Variants in CFAP20DC observed in about 807,000 individuals in gnomAD.
CFAP20DC encodes CFAP20 domain containing, also known as protein CFAP20DC.
A neutral mutation model predicts 101.7 loss-of-function variants in CFAP20DC; 84 were observed. The observed-to-expected ratio is 0.83, with a 90% confidence interval of 0.69 to 0.99. The LOEUF (loss-of-function observed/expected upper bound fraction) is 0.99, where lower values mean the gene tolerates loss of function less well. Ranked by LOEUF, CFAP20DC falls within the 50% of genes least tolerant of loss-of-function variation. The pLI is 0.00. For synonymous variants in CFAP20DC, 359 were observed against 351.2 expected (o/e 1.02, Z -0.25); for missense variants, 1,007 against 970.3 (o/e 1.04, Z -0.50).
Position 58,793,614 on chromosome 3 carries a change from A to G in CFAP20DC, c.2237+12781T>C, listed in dbSNP as rs115968834. On this transcript the variant is annotated intron_variant, in intron 15 of 16. Transcript: ENST00000482387. ...CTGATCATAATGTAATTTTCTTTCA[A>G]TGTTAGTGGCCAATGTATAGATTCT... 8.7e-3 allele frequency among the ~76,000 whole-genome samples: 1,327 copies of G among 152,272 alleles called. 22 individuals are homozygous for G. Among genetic ancestry groups the G allele is most frequent in the African/African-American group, 0.03 (1,262 of 41,566 alleles).
At chr3:58,925,009 T>C (rs2085796763) in intron 5 of CFAP20DC, among the ~76,000 whole-genome samples, 1 of 152,076 alleles carries the variant, frequency 6.6e-6, no homozygotes, top group Admixed American at 6.5e-5. Flanking sequence ...TGTTCCCCCC[T>C]TGTTTTCTCA....
chr3:58,752,194 C>G (rs1559541611), intron 16 of CFAP20DC, among the ~76,000 whole-genome samples: 1 of 152,018 alleles, frequency 6.6e-6, no homozygotes, highest in Non-Finnish European at 1.5e-5. Context: ...TAACTACAAA[C>G]CACTCAAGCA....
Position 58,989,951 on chromosome 3 carries a change from G to C in CFAP20DC, c.278+49606C>G, listed in dbSNP as rs377350998. Among the ~76,000 whole-genome samples, 17 of 152,268 alleles carry C rather than the reference G, an allele frequency of 1.1e-4. No individual in the cohort carries two copies. In the South Asian group the frequency reaches 1.9e-3, roughly 17 times the overall value. The stretch of plus-strand genomic sequence containing the variant: ...GTCAAGAGTTTCAAAAGAGTCAAGA[G>C]TTAATCCTGTGGATAAAGTATAAAA... On this transcript the variant is annotated intron_variant, in intron 4 of 16. Coordinates refer to ENST00000482387, the MANE Select transcript of CFAP20DC (RefSeq NM_001394063.1).
chr3:58,949,833 T>C (rs1349279356), intron 4 of CFAP20DC, among the ~76,000 whole-genome samples: 1 of 152,184 alleles, frequency 6.6e-6, no homozygotes, highest in Non-Finnish European at 1.5e-5. Context: ...GGGCAAAAAC[T>C]GGAAGCATTC....
At chr3:58,976,094 C>T (rs1231719862) in intron 4 of CFAP20DC, among the ~76,000 whole-genome samples, 1 of 152,206 alleles carries the variant, frequency 6.6e-6, no homozygotes, top group Non-Finnish European at 1.5e-5. Flanking sequence ...CAACCTTTGA[C>T]TTCACTTATA....
At chr3:58,936,523 C>A (rs1346218809) in intron 5 of CFAP20DC, among the ~76,000 whole-genome samples, 3 of 152,132 alleles carry the variant, frequency 2.0e-5, no homozygotes, top group African/African-American at 7.2e-5. Context: ...TGGAACCAAG[C>A]CAAATGTCCA....
chr3:59,013,933 A>G (rs1219398473), intron 4 of CFAP20DC, among the ~76,000 whole-genome samples: 2 of 152,174 alleles, frequency 1.3e-5, no homozygotes, highest in Admixed American at 6.6e-5. Flanking sequence ...AATTTGATCT[A>G]TTTTAAATAT....
At chr3:58,801,201 G>C (rs1023017217) in intron 15 of CFAP20DC, among the ~76,000 whole-genome samples, 1 of 152,082 alleles carries the variant, frequency 6.6e-6, no homozygotes, top group Non-Finnish European at 1.5e-5. Flanking sequence ...CAAAAGAGCA[G>C]GTGTGAAATC....
At chr3:58,986,098 T>C (rs1488570253) in intron 4 of CFAP20DC, among the ~76,000 whole-genome samples, 1 of 152,216 alleles carries the variant, frequency 6.6e-6, no homozygotes, top group African/African-American at 2.4e-5. Context: ...AGCTAATGAA[T>C]ATTCCCTAAC....
At position 58,882,136 on chromosome 3, in the gene CFAP20DC, C is replaced by T. The variant is rs933575931; in HGVS notation, c.715+2409G>A. ...GGATTCACAGAGCAGAAGAAATATG[C>T]TATTAGATGACAATTATTCATTTCT... On this transcript the variant is annotated intron_variant, in intron 7 of 16. Coordinates refer to ENST00000482387, the MANE Select transcript of CFAP20DC (RefSeq NM_001394063.1). The surrounding 1 kb of genome is among the most constrained non-coding windows in gnomAD (Gnocchi z 4.2). 6.6e-6 allele frequency among the ~76,000 whole-genome samples: 1 copy of T among 152,066 alleles called. No individual in the cohort carries two copies. The highest frequency in any genetic ancestry group is 1.5e-5 in the Non-Finnish European group (1 of 67,980).
chr3:58,806,953 G>A, intron 14 of CFAP20DC, among the ~76,000 whole-genome samples: 1 of 152,190 alleles, frequency 6.6e-6, no homozygotes, highest in Non-Finnish European at 1.5e-5. Context: ...CGCCCACGGA[G>A]TCTCACTGAC....
chr3:58,750,565 A>C (rs2068498144), intron 16 of CFAP20DC, among the ~76,000 whole-genome samples: 2 of 152,180 alleles, frequency 1.3e-5, no homozygotes, highest in African/African-American at 4.8e-5. Flanking sequence ...CACCACATTC[A>C]CACCTCAGTG....
At chr3:58,993,265 T>C (rs2093000956) in intron 4 of CFAP20DC, among the ~76,000 whole-genome samples, 1 of 152,164 alleles carries the variant, frequency 6.6e-6, no homozygotes, top group African/African-American at 2.4e-5. Context: ...ACAAACTTCT[T>C]TGTAAAAAGA....
intron 4 of CFAP20DC, among the ~76,000 whole-genome samples, chr3:58,985,760 G>A (rs1336591282): frequency 6.6e-6 from 1 of 152,124 alleles, no homozygotes; most frequent in Non-Finnish European, 1.5e-5. Context: ...TTTATTTAAA[G>A]TCTTCATAGC....
chr3:58,825,060 G>C (rs1410354665), intron 14 of CFAP20DC, among the ~76,000 whole-genome samples: 11 of 152,088 alleles, frequency 7.2e-5, no homozygotes, highest in Admixed American at 5.2e-4. Flanking sequence ...ATCTACATTT[G>C]AGGAGAGACA....
intron 15 of CFAP20DC, among the ~76,000 whole-genome samples, chr3:58,761,582 T>C (rs1221449616): frequency 1.3e-5 from 2 of 152,222 alleles, no homozygotes; most frequent in Non-Finnish European, 2.9e-5. Context: ...CTGCTAGCTT[T>C]TGAATGTGTT....
intron 15 of CFAP20DC, among the ~76,000 whole-genome samples, chr3:58,803,256 T>C (rs2073837208): frequency 6.6e-6 from 1 of 152,230 alleles, no homozygotes; most frequent in Non-Finnish European, 1.5e-5. Flanking sequence ...ATTACTCTAA[T>C]CACAGCCACA....
intron 15 of CFAP20DC, among the ~76,000 whole-genome samples, chr3:58,755,955 T>C (rs913653531): frequency 7.2e-5 from 11 of 152,218 alleles, no homozygotes; most frequent in African/African-American, 2.4e-4. Context: ...AAAATAATGT[T>C]TCATGACAGA....
chr3:58,745,866 C>A (rs772230145), intron 16 of CFAP20DC, among the ~76,000 whole-genome samples: 14 of 152,158 alleles, frequency 9.2e-5, no homozygotes, highest in African/African-American at 1.7e-4. Flanking sequence ...GGGAAATTCA[C>A]TGCTCTGAGC....
Sources: gnomAD v4.1 joint callset for allele counts (sites outside exome capture counted in the v4.1 genomes callset) on GRCh38, gnomAD v4.1.1 for gene constraint, Gnocchi (gnomAD v3.1) non-coding constraint, MANE v1.5 for transcripts, NCBI Gene and HGNC (gene_info 2026-07-23, HGNC 2026-07-21) for gene names.